The following CDH17 variants were observed in gnomAD, a reference collection of about 807,000 sequenced individuals.
CDH17 encodes the protein cadherin-17.
Under a neutral mutation model 86.3 loss-of-function variants are expected in CDH17, and 67 were observed. The observed-to-expected ratio is 0.78, with a 90% CI of 0.64 to 0.95. CDH17 has a LOEUF of 0.95. CDH17 is among the 40% of genes least tolerant of loss of function. The pLI, the probability that CDH17 is intolerant of heterozygous loss-of-function variation, is 0.00. For missense variants in CDH17, 993 were observed against 1,017.6 expected (o/e 0.98, Z 0.33); for synonymous variants, 367 against 366.4 (o/e 1.00, Z -0.02).
chr8:94,202,973 C>T (rs537620292), intron 1 of CDH17: 2 of 315,776 alleles, frequency 6.3e-6, no homozygotes, highest in Non-Finnish European at 1.2e-5. Context: ...TTCCCCTTTT[C>T]ACCTTGCCAC....
chr8:94,150,730 T>G (rs1276157994), intron 13 of CDH17, among the ~76,000 whole-genome samples: 1 of 152,242 alleles, frequency 6.6e-6, no homozygotes, highest in African/African-American at 2.4e-5. Flanking sequence ...TTTTTCCCAC[T>G]GATAAACTTT....
chr8:94,207,598 T>C (rs1009893377), intron 1 of CDH17, among the ~76,000 whole-genome samples: 1 of 152,244 alleles, frequency 6.6e-6, no homozygotes, highest in African/African-American at 2.4e-5. Flanking sequence ...TCTAAACATG[T>C]GTTTTTTCTT....
intron 15 of CDH17, among the ~76,000 whole-genome samples, chr8:94,131,296 C>G (rs1442487359): frequency 6.6e-6 from 1 of 152,184 alleles, no homozygotes; most frequent in African/African-American, 2.4e-5. Context: ...GAATGCTGAA[C>G]CATTGCTCCT....
chr8:94,140,173 G>A (rs976962013), intron 15 of CDH17, among the ~76,000 whole-genome samples: 13 of 152,156 alleles, frequency 8.5e-5, no homozygotes, highest in African/African-American at 3.1e-4. Flanking sequence ...TGTAATCCCA[G>A]CATTTTGGGA....
chr8:94,213,261 C>T (rs1407388000), upstream of CDH17, among the ~76,000 whole-genome samples: 8 of 152,226 alleles, frequency 5.3e-5, no homozygotes, highest in Non-Finnish European at 2.9e-5. Context: ...TGTGAGCCAC[C>T]ATGCCTGGCT....
chr8:94,208,118 A>G (rs1814064532), intron 1 of CDH17, among the ~76,000 whole-genome samples: 1 of 152,186 alleles, frequency 6.6e-6, no homozygotes, highest in Admixed American at 6.5e-5. Flanking sequence ...AGAATACAAG[A>G]GCCCTAGAGC....
chr8:94,184,908 G>A (rs781568089), intron 3 of CDH17, among the ~76,000 whole-genome samples: 9 of 152,106 alleles, frequency 5.9e-5, no homozygotes, highest in Admixed American at 3.9e-4. Context: ...ACCTCATGGG[G>A]CAATGAGTGT....
chr8:94,149,626 T>C (rs373324576), intron 13 of CDH17, among the ~76,000 whole-genome samples: 3 of 152,034 alleles, frequency 2.0e-5, no homozygotes, highest in Non-Finnish European at 4.4e-5. Flanking sequence ...AGGAACAGCA[T>C]GGTGAGTGTG....
At chr8:94,197,785 T>C (rs1171861680) in intron 1 of CDH17, among the ~76,000 whole-genome samples, 2 of 147,016 alleles carry the variant, frequency 1.4e-5, no homozygotes, top group Non-Finnish European at 3.0e-5. Context: ...GAGTTGAGAC[T>C]GGGCCATTGT....
chr8:94,202,098 T>A (rs951091691), intron 1 of CDH17: 1 of 156,780 alleles, frequency 6.4e-6, no homozygotes, highest in African/African-American at 2.4e-5. Flanking sequence ...ACCCTCCTAC[T>A]GACTAGGCTT....
intron 14 of CDH17, among the ~76,000 whole-genome samples, chr8:94,147,668 T>C (rs532800886): frequency 6.6e-6 from 1 of 152,256 alleles, no homozygotes; most frequent in Non-Finnish European, 1.5e-5. Context: ...AACTCTTTTT[T>C]AGTTGCCAGG....
At chr8:94,173,690 A>T (rs1265857463) in intron 7 of CDH17, 107 bp downstream of exon 7, 1 of 846,592 alleles carries the variant, frequency 1.2e-6, no homozygotes, top group African/African-American at 1.7e-5. Context: ...TCATGCTATG[A>T]AAAAGGTATC....
chr8:94,199,088 T>A lies in CDH17; in HGVS notation c.-20-4383A>T, dbSNP rs1349778462. 1.8e-3 allele frequency among the ~76,000 whole-genome samples: 220 copies of A among 123,168 alleles called. 1 individual carries two copies. Among genetic ancestry groups the A allele is most frequent in the African/African-American group, 5.9e-3 (180 of 30,380 alleles). 80.8% of individuals were successfully genotyped at this position (123,168 alleles called of 152,430 possible). A position where few individuals can be genotyped will look rare whatever the true frequency, so the allele number is the denominator to read the frequency against. On this transcript the variant is annotated intron_variant, in intron 1 of 17. Coordinates refer to ENST00000027335, the MANE Select transcript of CDH17 (RefSeq NM_004063.4). The stretch of plus-strand genomic sequence containing the variant: ...ATATATATATATATATATATATTTT[T>A]TTTTTTTTATCATTTGTCTGTTAGC...
chr8:94,180,301 C>A (rs573359081), intron 3 of CDH17, among the ~76,000 whole-genome samples: 18 of 151,398 alleles, frequency 1.2e-4, no homozygotes, highest in African/African-American at 4.4e-4. Flanking sequence ...CACCATCAAG[C>A]AGAAAAACAC....
At chr8:94,163,315 T>C (rs940475857) in intron 10 of CDH17, among the ~76,000 whole-genome samples, 1 of 152,226 alleles carries the variant, frequency 6.6e-6, no homozygotes, top group Non-Finnish European at 1.5e-5. Flanking sequence ...CATCCATTCC[T>C]CTGTCTGTGC....
intron 5 of CDH17, among the ~76,000 whole-genome samples, chr8:94,175,940 G>A (rs954298225): frequency 2.6e-5 from 4 of 152,250 alleles, no homozygotes; most frequent in African/African-American, 4.8e-5. Flanking sequence ...CCCAGACCGA[G>A]TGCAATAGTG....
chr8:94,177,012 C>T (rs550941254), intron 4 of CDH17, among the ~76,000 whole-genome samples: 2 of 152,302 alleles, frequency 1.3e-5, no homozygotes, highest in South Asian at 2.1e-4. Flanking sequence ...GGCGGTCAGC[C>T]TGCAAGGCCT....
At chr8:94,176,817 A>G in intron 4 of CDH17, 138 bp from the exon 5 acceptor site, 2 of 765,094 alleles carry the variant, frequency 2.6e-6, no homozygotes, top group Non-Finnish European at 4.2e-6. Flanking sequence ...CAAAAGGCCA[A>G]ATTGGGAAAT....
chr8:94,174,696 T>C (rs1050375452), intron 5 of CDH17, among the ~76,000 whole-genome samples: 5 of 152,234 alleles, frequency 3.3e-5, no homozygotes, highest in African/African-American at 1.2e-4. Context: ...ATTCCTCTCT[T>C]GTCCAACTGC....
Sources: allele counts gnomAD v4.1 joint callset (sites outside exome capture counted in the v4.1 genomes callset), GRCh38; gene constraint gnomAD v4.1.1; transcripts MANE v1.5; gene names NCBI Gene and HGNC (gene_info 2026-07-23, HGNC 2026-07-21).